The following USP47 variants were observed in gnomAD, a reference collection of about 807,000 sequenced individuals.
USP47 encodes the protein ubiquitin specific peptidase 47.
USP47 carries 35 observed loss-of-function variants against 165.1 expected under a neutral mutation model. The observed-to-expected ratio is 0.21, with a 90% CI of 0.16 to 0.28. The LOEUF (loss-of-function observed/expected upper bound fraction) is 0.28, where lower values mean the gene tolerates loss of function less well. USP47 is among the 10% of genes least tolerant of loss of function. The pLI, the probability that USP47 is intolerant of heterozygous loss-of-function variation, is 1.00. For synonymous variants in USP47, 531 were observed against 544.5 expected (o/e 0.98, Z 0.35); for missense variants, 1,277 against 1,607.4 (o/e 0.79, Z 3.52).
In USP47 at chr11:11,955,150, G is replaced by C. The variant is rs374377038; in HGVS notation, c.3879G>C (p.Ala1293=). The C allele has an allele frequency of 6.2e-7, 1 of 1,611,818 alleles. No individual in the cohort carries two copies. The highest frequency in any genetic ancestry group is 1.3e-5 in the African/African-American group (1 of 74,756). ...CTCTTTATATCTGTGATGATGGTGCGGTCATATTTTATAGGTAACATTCAC... is the reference window on the plus strand; with the variant it reads ...CTCTTTATATCTGTGATGATGGTGCCGTCATATTTTATAGGTAACATTCAC... The part of the protein sequence containing the change: ...VWPLYICDDG[A]VIFYRDKTEE... Residue 1293 remains alanine, a synonymous_variant, in exon 27 of 28, where the codon GCG becomes GCC. Coordinates refer to ENST00000527733, the MANE Select transcript of USP47 (RefSeq NM_001282659.2).
intron 1 of USP47, among the ~76,000 whole-genome samples, chr11:11,845,112 G>A (rs2134106688): frequency 6.6e-6 from 1 of 152,272 alleles, no homozygotes; most frequent in South Asian, 2.1e-4. Flanking sequence ...CATTTATTTA[G>A]TATTTTGTAT....
intron 8 of USP47, among the ~76,000 whole-genome samples, chr11:11,915,837 A>G (rs1467448617): frequency 6.6e-6 from 1 of 152,180 alleles, no homozygotes; most frequent in African/African-American, 2.4e-5. Context: ...TAGTACATCA[A>G]AATCAGGAAA....
intron 8 of USP47, among the ~76,000 whole-genome samples, chr11:11,915,860 G>A (rs1314990312): frequency 2.0e-5 from 3 of 152,122 alleles, no homozygotes; most frequent in Non-Finnish European, 4.4e-5. Context: ...ATTCTCAGTG[G>A]TGGATCTACT....
Position 11,897,806 on chromosome 11 carries a change from A to G in USP47, c.593+113A>G, listed in dbSNP as rs79951843. The G allele has an allele frequency of 8.0e-3, 5,438 of 679,970 alleles. 34 individuals are homozygous for G. Among genetic ancestry groups the G allele is most frequent in the Non-Finnish European group, 9.5e-3 (3,834 of 404,422 alleles). The allele number at this position is 679,970 out of a possible 1,614,324, so 42.1% of individuals were successfully genotyped here. A position where few individuals can be genotyped will look rare whatever the true frequency, so the allele number is the denominator to read the frequency against. Reference sequence around the variant, plus strand: ...TAAAGTTTGGGGCATTTCTCACACCATAAGATATAACTTCTTTCCTTACGT... The same window carrying G: ...TAAAGTTTGGGGCATTTCTCACACCGTAAGATATAACTTCTTTCCTTACGT... On this transcript the variant is annotated intron_variant, in intron 5 of 27. Coordinates refer to ENST00000527733, the MANE Select transcript of USP47 (RefSeq NM_001282659.2).
At chr11:11,922,687 A>G (rs768478688) in intron 10 of USP47, 37 bp from the exon 11 acceptor site, 2 of 1,568,918 alleles carry the variant, frequency 1.3e-6, no homozygotes, top group African/African-American at 1.4e-5. Context: ...TTTTCTCTGT[A>G]TATGGTTTAT....
At chr11:11,866,022 TC>T (rs1849658882) in intron 1 of USP47, among the ~76,000 whole-genome samples, 2 of 152,186 alleles carry the variant, frequency 1.3e-5, no homozygotes, top group Admixed American at 1.3e-4. Flanking sequence ...TTTGATGAAG[TC>T]CAAGTTACTT....
rs1034257116 is a variant in USP47 at position 11,942,394 on chromosome 11, A to G, written c.2373A>G (p.Leu791=). The G allele has an allele frequency of 2.5e-6, 4 of 1,613,282 alleles. No individual in the cohort carries two copies. Among genetic ancestry groups the G allele is most frequent in the Non-Finnish European group, 3.4e-6 (4 of 1,179,568 alleles). The change falls in exon 20 of 28, where the codon TTA becomes TTG. Residue 791 remains leucine (L), a synonymous_variant. Transcript: ENST00000527733. ...DYQMAFADSH[L]WKLLDRHANT... Reference sequence around the variant, plus strand: ...AGATGGCCTTTGCAGACTCTCATTTATGGAAACTCCTGGATCGGCATGCAA... The same window carrying G: ...AGATGGCCTTTGCAGACTCTCATTTGTGGAAACTCCTGGATCGGCATGCAA...
intron 23 of USP47, 85 bp downstream of exon 23, chr11:11,950,089 G>C: frequency 9.7e-7 from 1 of 1,028,560 alleles, no homozygotes; most frequent in Non-Finnish European, 1.4e-6. Context: ...CTAAAACTAG[G>C]AGAATTAAAA....
At chr11:11,925,537 T>C (rs1309594237) in intron 11 of USP47, among the ~76,000 whole-genome samples, 2 of 152,208 alleles carry the variant, frequency 1.3e-5, no homozygotes, top group Non-Finnish European at 2.9e-5. Flanking sequence ...ATTGTTAGTG[T>C]TAGTGAAACA....
chr11:11,844,168 CT>C lies in USP47; in HGVS notation c.39+1953del, dbSNP rs199829828. On this transcript the variant is annotated intron_variant, in intron 1 of 27. Transcript: ENST00000527733. ...TCTCTTAAATGACCAAATTCTTTGACTTTTTTTTTCTTGCCTCTTCTGCTGT... is the reference window on the plus strand; with the variant it reads ...TCTCTTAAATGACCAAATTCTTTGACTTTTTTTTCTTGCCTCTTCTGCTGT... Among the ~76,000 whole-genome samples, 5 of 151,626 alleles carry C rather than the reference CT, an allele frequency of 3.3e-5. No individual in the cohort carries two copies. The East Asian group carries it at 5.8e-4, about 18-fold the overall frequency.
intron 1 of USP47, among the ~76,000 whole-genome samples, chr11:11,867,260 C>T (rs917655701): frequency 2.0e-5 from 3 of 152,114 alleles, no homozygotes; most frequent in Non-Finnish European, 2.9e-5. Context: ...TTGAGATTCT[C>T]GGCTCTGTGG....
chr11:11,860,642 A>G (rs1849327550), intron 1 of USP47, among the ~76,000 whole-genome samples: 1 of 152,228 alleles, frequency 6.6e-6, no homozygotes, highest in African/African-American at 2.4e-5. Context: ...TAACCTATAA[A>G]CAAGTCAGTT....
chr11:11,904,432 TCTTA>T (rs765644129), intron 7 of USP47, among the ~76,000 whole-genome samples: 30 of 152,200 alleles, frequency 2.0e-4, no homozygotes, highest in Admixed American at 3.9e-4. Flanking sequence ...TCATGCCTGT[TCTTA>T]CTTAGGAGAT....
At chr11:11,919,140 T>C (rs774793344) in intron 8 of USP47, among the ~76,000 whole-genome samples, 13 of 151,988 alleles carry the variant, frequency 8.6e-5, no homozygotes, top group Non-Finnish European at 1.8e-4. Flanking sequence ...TATTTTTATC[T>C]TGTTCCAAAG....
In USP47 at chr11:11,942,688, A is replaced by G; in HGVS notation, c.2667A>G (p.Glu889=). The G allele has an allele frequency of 1.2e-6, 2 of 1,613,488 alleles. No individual in the cohort carries two copies. Among genetic ancestry groups the G allele is most frequent in the Non-Finnish European group, 1.7e-6 (2 of 1,179,780 alleles). Residue 889 remains glutamate, a synonymous_variant, in exon 20 of 28, where the codon GAA becomes GAG. Transcript: ENST00000527733. ...STETSDFENI[E]SPLNERDSSA... Reference sequence around the variant, plus strand: ...AGACAAGTGACTTTGAAAACATCGAATCACCTCTCAATGAGAGGGACTCTT... The same window carrying G: ...AGACAAGTGACTTTGAAAACATCGAGTCACCTCTCAATGAGAGGGACTCTT...
chr11:11,890,025 T>C (rs1851412833), intron 3 of USP47, among the ~76,000 whole-genome samples: 1 of 152,140 alleles, frequency 6.6e-6, no homozygotes. Flanking sequence ...CTGGACTCCT[T>C]CCTTACACCA....
chr11:11,859,116 G>A (rs1470562805), intron 1 of USP47, among the ~76,000 whole-genome samples: 2 of 152,038 alleles, frequency 1.3e-5, no homozygotes, highest in South Asian at 2.1e-4. Context: ...TTTTCCTAAC[G>A]ACTGATAACA....
chr11:11,934,025 A>G, intron 16 of USP47, 90 bp downstream of exon 16: 2 of 892,256 alleles, frequency 2.2e-6, no homozygotes, highest in Non-Finnish European at 3.6e-6. Context: ...ATAGTTATAT[A>G]AACACTGGCA....
chr11:11,869,261 T>G (rs868144318), intron 1 of USP47, among the ~76,000 whole-genome samples: 5 of 152,154 alleles, frequency 3.3e-5, no homozygotes, highest in Non-Finnish European at 5.9e-5. Flanking sequence ...TCCATTTATG[T>G]TTATGATCCA....
Sources: allele counts gnomAD v4.1 joint callset (sites outside exome capture counted in the v4.1 genomes callset), GRCh38; gene constraint gnomAD v4.1.1; transcripts MANE v1.5; gene names NCBI Gene and HGNC (gene_info 2026-07-23, HGNC 2026-07-21).